Variants in ILRUN observed in about 807,000 individuals in gnomAD.
The protein encoded by ILRUN is protein ILRUN.
In ILRUN, 3 loss-of-function variants were observed where a neutral mutation model predicts 33.8. The observed-to-expected ratio is 0.09, with a 90% confidence interval of 0.04 to 0.23. The LOEUF is 0.23. ILRUN is among the 10% of genes least tolerant of loss of function. ILRUN has a pLI of 1.00. For missense variants in ILRUN, 210 were observed against 375.1 expected (o/e 0.56, Z 3.64); for synonymous variants, 124 against 138.9 (o/e 0.89, Z 0.75).
chr6:34,696,408 A>G (rs1763775815), intron 1 of ILRUN, 38 bp downstream of exon 1: 2 of 1,535,092 alleles, frequency 1.3e-6, no homozygotes, highest in Non-Finnish European at 1.8e-6. Flanking sequence ...GGGGCCCCCG[A>G]GGCCGCTGCC....
At chr6:34,624,942 G>C (rs1401306410) in intron 3 of ILRUN, among the ~76,000 whole-genome samples, 2 of 152,100 alleles carry the variant, frequency 1.3e-5, no homozygotes, top group African/African-American at 2.4e-5. Flanking sequence ...CTCTCCTCCT[G>C]AAAGAGGATG....
chr6:34,640,237 C>G (rs556232964), intron 3 of ILRUN, among the ~76,000 whole-genome samples: 14 of 152,046 alleles, frequency 9.2e-5, no homozygotes, highest in African/African-American at 3.1e-4. Flanking sequence ...ATGCCCCACA[C>G]AGTGAAGAAG....
At chr6:34,652,561 T>C (rs1367758181) in intron 2 of ILRUN, among the ~76,000 whole-genome samples, 1 of 152,204 alleles carries the variant, frequency 6.6e-6, no homozygotes, top group African/African-American at 2.4e-5. Flanking sequence ...CTAGCCAGTC[T>C]TTCCCCATCA....
At chr6:34,695,717 C>A in intron 1 of ILRUN, among the ~76,000 whole-genome samples, 1 of 151,366 alleles carries the variant, frequency 6.6e-6, no homozygotes, top group East Asian at 1.9e-4. Flanking sequence ...CTCATTTCCC[C>A]CACTTTTCCT....
chr6:34,676,213 G>A (rs562676512), intron 1 of ILRUN, among the ~76,000 whole-genome samples: 1 of 151,650 alleles, frequency 6.6e-6, no homozygotes, highest in South Asian at 2.1e-4. Flanking sequence ...AGACCAGCCT[G>A]GGTAACATAG....
At position 34,606,795 on chromosome 6, in the gene ILRUN, T is replaced by C. The variant is rs762359158; in HGVS notation, c.621A>G (p.Glu207=). 5 of 1,614,162 alleles carry C rather than the reference T, an allele frequency of 3.1e-6. No homozygotes were observed. The highest frequency in any genetic ancestry group is 4.2e-6 in the Non-Finnish European group (5 of 1,180,032). ...GAGAGGCAAAAGGGTTGAAGTTTCC[T>C]TCTACCTTACGATGCGGCTGTGTGT... ...EFNTQPHRKV[E]GNFNPFASPQ... is the part of the protein sequence containing the mutation. The change falls in exon 4 of 5, where the codon GAA becomes GAG. Residue 207 remains glutamate, a synonymous_variant. Transcript: ENST00000374023.
At chr6:34,685,214 T>C (rs1763488402) in intron 1 of ILRUN, 1 of 152,126 alleles carries the variant, frequency 6.6e-6, no homozygotes, top group Non-Finnish European at 1.5e-5. Flanking sequence ...TGAACTGGGG[T>C]GTCCAGAAAA....
intron 4 of ILRUN, among the ~76,000 whole-genome samples, chr6:34,595,276 C>T (rs1761377285): frequency 6.6e-6 from 1 of 152,158 alleles, no homozygotes; most frequent in African/African-American, 2.4e-5. Flanking sequence ...TCTTAGAGTC[C>T]TTTCTAAAAT....
rs1431846575 is a variant in ILRUN, at chr6:34,696,435, G to T, written c.158+11C>A. ...GCCGCTGCCAGCGCTGGCACTGCGGGGCCGGCTCACCAGTTGGTCATGTCC... is the reference window on the plus strand; with the variant it reads ...GCCGCTGCCAGCGCTGGCACTGCGGTGCCGGCTCACCAGTTGGTCATGTCC... On this transcript the variant is annotated intron_variant, in intron 1 of 4. Transcript: ENST00000374023. 2.6e-6 allele frequency: 4 copies of T among 1,552,178 alleles called. No individual in the cohort carries two copies. The highest frequency in any genetic ancestry group is 3.5e-6 in the Non-Finnish European group (4 of 1,148,982).
intron 1 of ILRUN, among the ~76,000 whole-genome samples, chr6:34,687,318 C>T (rs980460116): frequency 2.0e-5 from 3 of 151,906 alleles, no homozygotes; most frequent in African/African-American, 2.4e-5. Context: ...AAAATATGTT[C>T]GTATAATTAG....
At chr6:34,658,411 G>A (rs1312556251) in intron 1 of ILRUN, among the ~76,000 whole-genome samples, 1 of 149,332 alleles carries the variant, frequency 6.7e-6, no homozygotes, top group Non-Finnish European at 1.5e-5. Flanking sequence ...TAATGCCACA[G>A]AACTGTATAC....
intron 3 of ILRUN, among the ~76,000 whole-genome samples, chr6:34,608,192 G>A (rs1313376746): frequency 6.6e-6 from 1 of 151,894 alleles, no homozygotes; most frequent in Non-Finnish European, 1.5e-5. Context: ...TCAGAAGTTC[G>A]AGACCAGCCT....
intron 2 of ILRUN, among the ~76,000 whole-genome samples, chr6:34,651,715 CCAAA>C (rs1762672437): frequency 7.0e-6 from 1 of 142,104 alleles, no homozygotes; most frequent in Non-Finnish European, 1.5e-5. Flanking sequence ...GTCACACTTT[CCAAA>C]CAAACCTCAT....
chr6:34,609,185 G>A (rs761616175), intron 3 of ILRUN, among the ~76,000 whole-genome samples: 4 of 152,176 alleles, frequency 2.6e-5, no homozygotes, highest in Non-Finnish European at 5.9e-5. Context: ...AATTTGGGCT[G>A]TATATCAAAA....
intron 1 of ILRUN, among the ~76,000 whole-genome samples, chr6:34,691,980 T>C (rs1763659294): frequency 6.6e-6 from 1 of 152,182 alleles, no homozygotes. Flanking sequence ...TATTTTATTT[T>C]TGAGACAGGG....
At chr6:34,677,448 T>C (rs768490362) in intron 1 of ILRUN, among the ~76,000 whole-genome samples, 14 of 151,866 alleles carry the variant, frequency 9.2e-5, no homozygotes, top group Non-Finnish European at 1.6e-4. Context: ...AAAACAGATA[T>C]GGAAAGATAA....
intron 4 of ILRUN, among the ~76,000 whole-genome samples, chr6:34,594,409 C>T (rs1018726058): frequency 6.6e-6 from 1 of 152,188 alleles, no homozygotes; most frequent in African/African-American, 2.4e-5. Context: ...TCCATGCTAA[C>T]GGAGGGTATA....
In ILRUN at chr6:34,654,596, C is replaced by G; in HGVS notation, c.313+29G>C. On this transcript the variant is annotated intron_variant, in intron 2 of 4. Coordinates refer to ENST00000374023, the MANE Select transcript of ILRUN (RefSeq NM_024294.4). Reference sequence around the variant, plus strand: ...AACTATTAAGAAAATGAAAACTAGGCAAGGGAGGATTGCCCATTATGTACT... The same window carrying G: ...AACTATTAAGAAAATGAAAACTAGGGAAGGGAGGATTGCCCATTATGTACT... 4 of 1,576,614 alleles carry G rather than the reference C, an allele frequency of 2.5e-6. No homozygotes were observed. In the South Asian group the frequency reaches 4.7e-5, roughly 18 times the overall value.
intron 1 of ILRUN, among the ~76,000 whole-genome samples, chr6:34,694,449 CTCT>C (rs1022001029): frequency 2.0e-5 from 3 of 152,156 alleles, no homozygotes; most frequent in Admixed American, 6.5e-5. Flanking sequence ...CAAGAGAACT[CTCT>C]TCAAGATATA....
Sources: allele counts gnomAD v4.1 joint callset (sites outside exome capture counted in the v4.1 genomes callset), GRCh38; gene constraint gnomAD v4.1.1; transcripts MANE v1.5; gene names NCBI Gene and HGNC (gene_info 2026-07-23, HGNC 2026-07-21).